Variants in MINDY4 observed in about 807,000 individuals in gnomAD.
MINDY4 encodes the protein MINDY lysine 48 deubiquitinase 4.
Under a neutral mutation model 87.0 loss-of-function variants are expected in MINDY4, and 68 were observed. That is an observed-to-expected ratio of 0.78 (90% confidence interval 0.64 to 0.96). The LOEUF (loss-of-function observed/expected upper bound fraction) is 0.96, where lower values mean the gene tolerates loss of function less well. MINDY4 is among the 40% of genes least tolerant of loss of function. MINDY4 has a pLI of 0.00. For missense variants in MINDY4, 919 were observed against 928.2 expected (o/e 0.99, Z 0.13); for synonymous variants, 379 against 363.2 (o/e 1.04, Z -0.50).
chr7:30,851,818 G>T (rs1238951982), intron 10 of MINDY4, among the ~76,000 whole-genome samples: 2 of 152,196 alleles, frequency 1.3e-5, no homozygotes, highest in Non-Finnish European at 2.9e-5. Flanking sequence ...GCACACCCAG[G>T]GGGAGCCTCG....
At chr7:30,791,119 G>C (rs1436124965) in intron 4 of MINDY4, 46 bp from the exon 5 acceptor site, 6 of 1,516,988 alleles carry the variant, frequency 4.0e-6, no homozygotes, top group Admixed American at 2.0e-5. Flanking sequence ...TTGTTTTCCA[G>C]CTCCCCTCAA....
intron 5 of MINDY4, among the ~76,000 whole-genome samples, chr7:30,818,374 G>A (rs986510703): frequency 6.6e-6 from 1 of 152,110 alleles, no homozygotes; most frequent in East Asian, 1.9e-4. Context: ...CAAGGTTGTG[G>A]TAACCTCATT....
At chr7:30,876,328 G>A (rs951115258) in intron 15 of MINDY4, among the ~76,000 whole-genome samples, 15 of 152,068 alleles carry the variant, frequency 9.9e-5, no homozygotes, top group African/African-American at 2.4e-4. Flanking sequence ...AGGGCCCACC[G>A]TACTCCAGTA....
At chr7:30,786,691 C>T (rs12672338) in intron 4 of MINDY4, 81,600 of 150,438 alleles carry the variant, frequency 0.54, 22,570 homozygotes, top group South Asian at 0.66. Flanking sequence ...ACACAATAGT[C>T]AAAAGGGGCT....
intron 17 of MINDY4, among the ~76,000 whole-genome samples, chr7:30,883,467 G>A (rs977177099): frequency 3.9e-5 from 6 of 152,142 alleles, no homozygotes; most frequent in Admixed American, 6.5e-5. Flanking sequence ...GAGCAGCTCC[G>A]CCACTCTGAA....
Position 30,864,624 on chromosome 7 carries a change from G to A in MINDY4, c.1745+5300G>A, listed in dbSNP as rs543377448. 3.9e-5 allele frequency among the ~76,000 whole-genome samples: 6 copies of A among 152,380 alleles called. No homozygotes were observed. In the East Asian group the frequency reaches 9.6e-4, roughly 24 times the overall value. The stretch of plus-strand genomic sequence containing the variant: ...CTCCTCAGCCTGCTGGGTGCTGGGT[G>A]CCATTCCTGGTGTGATTGCCGTGGC... On this transcript the variant is annotated intron_variant, in intron 13 of 17. Coordinates refer to ENST00000265299, the MANE Select transcript of MINDY4 (RefSeq NM_032222.3).
intron 17 of MINDY4, among the ~76,000 whole-genome samples, chr7:30,888,414 C>G (rs960092843): frequency 6.6e-6 from 1 of 152,194 alleles, no homozygotes; most frequent in Non-Finnish European, 1.5e-5. Context: ...AGCCAAAATG[C>G]CTTAGGTACC....
intron 3 of MINDY4, among the ~76,000 whole-genome samples, chr7:30,785,495 G>T (rs953836160): frequency 8.5e-5 from 13 of 152,210 alleles, no homozygotes; most frequent in South Asian, 2.1e-4. Context: ...TTAAGGACTT[G>T]AGGGGTCCTG....
intron 1 of MINDY4, among the ~76,000 whole-genome samples, chr7:30,776,722 C>G (rs1786829151): frequency 6.6e-6 from 1 of 152,220 alleles, no homozygotes; most frequent in Non-Finnish European, 1.5e-5. Context: ...TCATCCTTGT[C>G]TTCCCTCTCC....
At chr7:30,779,461 C>CA (rs1786934811) in intron 2 of MINDY4, 1 of 151,858 alleles carries the variant, frequency 6.6e-6, no homozygotes, top group Non-Finnish European at 1.5e-5. Flanking sequence ...GTGTCAGAGT[C>CA]AAAAAGAAAA....
chr7:30,884,940 C>T (rs1232746422), intron 17 of MINDY4, among the ~76,000 whole-genome samples: 1 of 152,164 alleles, frequency 6.6e-6, no homozygotes, highest in Non-Finnish European at 1.5e-5. Context: ...CTTCCTTCCC[C>T]TGCCCCTTGT....
chr7:30,790,417 T>A (rs564356568), intron 4 of MINDY4, among the ~76,000 whole-genome samples: 2 of 151,934 alleles, frequency 1.3e-5, no homozygotes, highest in South Asian at 4.2e-4. Context: ...CACAGGATTT[T>A]AAAAAACCTT....
At chr7:30,832,456 A>T (rs915448224) in intron 6 of MINDY4, among the ~76,000 whole-genome samples, 1 of 152,164 alleles carries the variant, frequency 6.6e-6, no homozygotes, top group Admixed American at 6.5e-5. Flanking sequence ...AACATTCTCA[A>T]TGTTGGTCTT....
chr7:30,824,806 C>T (rs558061604), intron 5 of MINDY4, among the ~76,000 whole-genome samples: 40 of 152,166 alleles, frequency 2.6e-4, no homozygotes, highest in Non-Finnish European at 5.6e-4. Flanking sequence ...GTGATCATCC[C>T]GCCTCCACCT....
At chr7:30,881,093 C>T (rs1244312007) in intron 15 of MINDY4, among the ~76,000 whole-genome samples, 6 of 152,186 alleles carry the variant, frequency 3.9e-5, no homozygotes, top group Admixed American at 3.3e-4. Flanking sequence ...GCAAACATCT[C>T]CCTGGGGCTG....
In MINDY4 at chr7:30,861,690, G is replaced by T. The variant is rs552604329; in HGVS notation, c.1745+2366G>T. Among the ~76,000 whole-genome samples the T allele has an allele frequency of 3.9e-5, 6 of 152,352 alleles. No individual in the cohort carries two copies. The East Asian group carries it at 1.2e-3, about 29-fold the overall frequency. On this transcript the variant is annotated intron_variant, in intron 13 of 17. Transcript: ENST00000265299. ...CTGTGCTTAGCACAGCTCCTGGTGG[G>T]TACAAGCCGGGAATAATGGCCACGG... is the stretch of plus-strand genomic sequence containing the variant.
chr7:30,854,851 A>C (rs1333338044), intron 12 of MINDY4, among the ~76,000 whole-genome samples: 4 of 152,230 alleles, frequency 2.6e-5, no homozygotes, highest in Non-Finnish European at 5.9e-5. Context: ...AGGTCACCGG[A>C]GGGGCAATCC....
chr7:30,850,078 T>A (rs549558916), intron 9 of MINDY4, among the ~76,000 whole-genome samples: 50 of 152,336 alleles, frequency 3.3e-4, no homozygotes, highest in African/African-American at 1.2e-3. Context: ...GGTCCTGAGA[T>A]GGCAGTCATT....
intron 17 of MINDY4, among the ~76,000 whole-genome samples, chr7:30,888,552 C>G (rs1450146459): frequency 6.6e-6 from 1 of 152,176 alleles, no homozygotes; most frequent in Admixed American, 6.5e-5. Context: ...TCATCCCTCC[C>G]CTTTCTGTGC....
Sources: allele counts gnomAD v4.1 joint callset (sites outside exome capture counted in the v4.1 genomes callset), GRCh38; gene constraint gnomAD v4.1.1; transcripts MANE v1.5; gene names NCBI Gene and HGNC (gene_info 2026-07-23, HGNC 2026-07-21).